The following OR10J1 variants were observed in gnomAD, a reference collection of about 807,000 sequenced individuals.
The protein encoded by OR10J1 is olfactory receptor 10J1.
For missense variants in OR10J1, 474 were observed against 376.6 expected (o/e 1.26, Z -2.14); for synonymous variants, 202 against 143.8 (o/e 1.40, Z -2.89).
At chr1:159,408,534 G>A in the OR10J1 span, among the ~76,000 whole-genome samples, 1 of 151,538 alleles carries the variant, frequency 6.6e-6, no homozygotes, top group Non-Finnish European at 1.5e-5. Context: ...GTTGGTGGGT[G>A]CAGCGCACCA....
chr1:159,416,008 C>A, the OR10J1 span, among the ~76,000 whole-genome samples: 8 of 151,666 alleles, frequency 5.3e-5, no homozygotes, highest in South Asian at 1.7e-3. Flanking sequence ...TATAAAAATG[C>A]CATTGATTTT....
At chr1:159,425,448 A>G in the OR10J1 span, among the ~76,000 whole-genome samples, 1 of 152,136 alleles carries the variant, frequency 6.6e-6, no homozygotes, top group African/African-American at 2.4e-5. Context: ...CTAAATAAAT[A>G]TGACCTGGGG....
chr1:159,413,648 A>G, the OR10J1 span, among the ~76,000 whole-genome samples: 2 of 144,538 alleles, frequency 1.4e-5, no homozygotes, highest in African/African-American at 5.1e-5. Flanking sequence ...ATGAGAACAC[A>G]TGGACACAGG....
At position 159,440,154 on chromosome 1, in the gene OR10J1, C is replaced by A. The variant is rs1479112189; in HGVS notation, c.363C>A (p.Asp121Glu). 1 of 1,614,116 alleles carries A rather than the reference C, an allele frequency of 6.2e-7. No individual in the cohort carries two copies. The highest frequency in any genetic ancestry group is 1.7e-5 in the Admixed American group (1 of 60,010). Residue 121 changes from aspartate to glutamate, a missense_variant, in exon 1 of 1, where the codon GAC (aspartate) becomes GAA (glutamate). Physicochemically the swap from Asp to Glu is conservative, Grantham distance 45. Coordinates refer to ENST00000423932, the MANE Select transcript of OR10J1 (RefSeq NM_012351.3). ...TCCTGCTCACAGCAATGGGATATGA[C>A]CGCTATGTGGCCATCTGCAACCCCC... ...NCFLLTAMGY[D>E]RYVAICNPLR...
At chr1:159,426,634 G>C in the OR10J1 span, among the ~76,000 whole-genome samples, 1 of 151,622 alleles carries the variant, frequency 6.6e-6, no homozygotes, top group South Asian at 2.1e-4. Flanking sequence ...GGTTTAGTAG[G>C]ACTTAAAAGA....
At chr1:159,422,173 C>T in the OR10J1 span, among the ~76,000 whole-genome samples, 3 of 152,108 alleles carry the variant, frequency 2.0e-5, no homozygotes, top group Admixed American at 2.0e-4. Flanking sequence ...AGGCCTCAAA[C>T]GGTGTGCCGA....
upstream of OR10J1, among the ~76,000 whole-genome samples, chr1:159,437,322 ATATT>A (rs890028799): frequency 1.5e-4 from 23 of 152,178 alleles, no homozygotes; most frequent in African/African-American, 5.5e-4. Flanking sequence ...AATGACGACC[ATATT>A]TAAATACTTC....
upstream of OR10J1, among the ~76,000 whole-genome samples, chr1:159,438,530 T>C (rs12410757): frequency 0.11 from 16,688 of 152,272 alleles, 1,146 homozygotes; most frequent in Admixed American, 0.15. Context: ...GACAAATGTC[T>C]TTAGACATAT....
At chr1:159,439,365 A>C (rs1388309539), upstream of OR10J1, among the ~76,000 whole-genome samples, 5 of 152,220 alleles carry the variant, frequency 3.3e-5, no homozygotes, top group East Asian at 9.6e-4. Context: ...GTGAGGCAGC[A>C]ATAATGGGGT....
upstream of OR10J1, chr1:159,432,950 A>C (rs138131945): frequency 1.5e-4 from 64 of 431,848 alleles, no homozygotes; most frequent in East Asian, 1.9e-3. Flanking sequence ...CACAGTGGTC[A>C]TTGTCCACTA....
upstream of OR10J1, among the ~76,000 whole-genome samples, chr1:159,437,629 C>T (rs1030305937): frequency 2.0e-5 from 3 of 152,172 alleles, no homozygotes; most frequent in Admixed American, 6.5e-5. Context: ...GCTCCCCAAG[C>T]GCTAGCCTGG....
chr1:159,412,898 G>A, the OR10J1 span, among the ~76,000 whole-genome samples: 1 of 151,658 alleles, frequency 6.6e-6, no homozygotes, highest in East Asian at 1.9e-4. Flanking sequence ...GAGTGAACAG[G>A]CAACCTACAA....
chr1:159,409,049 T>A, the OR10J1 span, among the ~76,000 whole-genome samples: 1 of 152,126 alleles, frequency 6.6e-6, no homozygotes, highest in African/African-American at 2.4e-5. Context: ...ATGTCCGTCA[T>A]GTACTTCCTA....
At chr1:159,421,310 T>G in the OR10J1 span, among the ~76,000 whole-genome samples, 1 of 152,146 alleles carries the variant, frequency 6.6e-6, no homozygotes, top group Non-Finnish European at 1.5e-5. Context: ...TTTTTTCTGA[T>G]TTTTTATATT....
the OR10J1 span, among the ~76,000 whole-genome samples, chr1:159,405,051 C>A: frequency 6.6e-6 from 1 of 152,042 alleles, no homozygotes; most frequent in Non-Finnish European, 1.5e-5. Context: ...TCATGGCTCA[C>A]CATGGGCTCC....
chr1:159,423,043 G>A, the OR10J1 span, among the ~76,000 whole-genome samples: 1 of 152,126 alleles, frequency 6.6e-6, no homozygotes, highest in Non-Finnish European at 1.5e-5. Flanking sequence ...GTGAATACCA[G>A]ATGCATCTAG....
chr1:159,433,389 T>C (rs1022015410), upstream of OR10J1, among the ~76,000 whole-genome samples: 2 of 152,238 alleles, frequency 1.3e-5, no homozygotes, highest in South Asian at 2.1e-4. Context: ...AGCATATCCA[T>C]GCACTGCACT....
the OR10J1 span, chr1:159,406,004 A>G: frequency 2.3e-6 from 1 of 441,134 alleles, no homozygotes; most frequent in Admixed American, 3.1e-5. Flanking sequence ...CCACATAGCA[A>G]TCATATCCCA....
At chr1:159,404,679 T>G in the OR10J1 span, among the ~76,000 whole-genome samples, 3 of 152,130 alleles carry the variant, frequency 2.0e-5, no homozygotes, top group African/African-American at 7.2e-5. Flanking sequence ...AGGTGTCGGC[T>G]TCATGTTACT....
Sources: allele counts gnomAD v4.1 joint callset (sites outside exome capture counted in the v4.1 genomes callset), GRCh38; gene constraint gnomAD v4.1.1; transcripts MANE v1.5; gene names NCBI Gene and HGNC (gene_info 2026-07-23, HGNC 2026-07-21).